ALKBH8: variants seen among roughly 807,000 people sequenced by gnomAD.
ALKBH8 encodes tRNA (carboxymethyluridine(34)-5-O)-methyltransferase ALKBH8.
In ALKBH8, 36 loss-of-function variants were observed where a neutral mutation model predicts 59.8. The ratio of observed to expected loss-of-function variants is 0.60; its 90% CI spans 0.46 to 0.79. The LOEUF is 0.79. Ranked by LOEUF, ALKBH8 falls within the 30% of genes least tolerant of loss-of-function variation. The pLI is 0.00. For synonymous variants in ALKBH8, 276 were observed against 273.6 expected, an observed-to-expected ratio of 1.01 and a Z score of -0.09; for missense variants, 768 against 801.0, an observed-to-expected ratio of 0.96 and a Z score of 0.50.
intron 2 of ALKBH8, among the ~76,000 whole-genome samples, chr11:107,557,484 G>A (rs73555515): frequency 6.6e-6 from 1 of 152,218 alleles, no homozygotes; most frequent in East Asian, 1.9e-4. Flanking sequence ...GACAAATTAG[G>A]TTAAGGTGGT....
Position 107,532,366 on chromosome 11 carries a change from G to C in ALKBH8, c.812C>G (p.Pro271Arg), listed in dbSNP as rs1863631344. 2.5e-6 allele frequency: 4 copies of C among 1,613,596 alleles called. No homozygotes were observed. In the East Asian group the frequency reaches 6.7e-5, roughly 27 times the overall value. ...CAAACTCCGACGAGGCAACATAACT[G>C]GCACTGCAATGCCATCTGGGTGCTT... ...DFKHPDGIAV[P>R]VMLPRRSLLV... The change falls in exon 8 of 12, where the codon CCA becomes CGA. Residue 271 changes from proline to arginine, a missense_variant. Pro to Arg is a moderately radical substitution (Grantham distance 103, BLOSUM62 -2). Transcript: ENST00000428149.
chr11:107,557,937 G>A (rs1233604714), intron 2 of ALKBH8, among the ~76,000 whole-genome samples: 1 of 152,118 alleles, frequency 6.6e-6, no homozygotes, highest in Non-Finnish European at 1.5e-5. Context: ...AGCCATGGAT[G>A]GCCTACTCTC....
In ALKBH8 at chr11:107,505,318, T is replaced by A. The variant is rs73551686; in HGVS notation, c.1438-103A>T. On this transcript the variant is annotated intron_variant, in intron 11 of 11. Coordinates refer to ENST00000428149, the MANE Select transcript of ALKBH8 (RefSeq NM_138775.3). ...TTTCAATTAGGATGAACAATAAGAATATCTAACAAAATATCTTATGTAAAA... is the reference window on the plus strand; with the variant it reads ...TTTCAATTAGGATGAACAATAAGAAAATCTAACAAAATATCTTATGTAAAA... 13,303 of 803,998 alleles carry A rather than the reference T, an allele frequency of 0.017. 1,054 individuals carry two copies. In the African/African-American group the frequency reaches 0.19, roughly 11 times the overall value. The allele number at this position is 803,998 out of a possible 1,614,324, so 49.8% of individuals were successfully genotyped here.
chr11:107,526,935 T>TA (rs554006064), intron 8 of ALKBH8, among the ~76,000 whole-genome samples: 63 of 152,138 alleles, frequency 4.1e-4, no homozygotes, highest in African/African-American at 1.5e-3. Flanking sequence ...TCTATCTGTC[T>TA]ATCTGTACAA....
chr11:107,547,112 C>T (rs1197247438), intron 7 of ALKBH8, among the ~76,000 whole-genome samples: 1 of 152,090 alleles, frequency 6.6e-6, no homozygotes, highest in Non-Finnish European at 1.5e-5. Context: ...TTACAAAAAA[C>T]CAAAACAATA....
At chr11:107,523,750 G>C (rs894389832) in intron 9 of ALKBH8, among the ~76,000 whole-genome samples, 4 of 151,612 alleles carry the variant, frequency 2.6e-5, no homozygotes, top group African/African-American at 9.7e-5. Flanking sequence ...TTACAGGCGT[G>C]TGCCACCATG....
At chr11:107,564,814 G>C (rs1194718349) in intron 1 of ALKBH8, among the ~76,000 whole-genome samples, 2 of 152,128 alleles carry the variant, frequency 1.3e-5, no homozygotes, top group African/African-American at 4.8e-5. Flanking sequence ...ATGAAGTAGA[G>C]ATTTTGTCTC....
Position 107,559,107 on chromosome 11 carries a change from C to T in ALKBH8, c.129+1658G>A, listed in dbSNP as rs907846838. 5.9e-5 allele frequency among the ~76,000 whole-genome samples: 9 copies of T among 152,162 alleles called. No individual in the cohort carries two copies. The East Asian group carries it at 7.7e-4, about 13-fold the overall frequency. On this transcript the variant is annotated intron_variant, in intron 2 of 11. Transcript: ENST00000428149. ...TGGTTTTATAAGGGGTTTCCCCTTT[C>T]GCTTGGCTCTCATTCTTTCTTGCCT... is the stretch of plus-strand genomic sequence containing the variant.
chr11:107,557,971 G>C (rs893152587), intron 2 of ALKBH8, among the ~76,000 whole-genome samples: 1 of 152,224 alleles, frequency 6.6e-6, no homozygotes, highest in East Asian at 1.9e-4. Flanking sequence ...TTTATACCAG[G>C]TGTTGATGAC....
At chr11:107,506,469 G>A (rs1448246959) in intron 11 of ALKBH8, among the ~76,000 whole-genome samples, 6 of 151,716 alleles carry the variant, frequency 4.0e-5, no homozygotes, top group African/African-American at 1.5e-4. Flanking sequence ...ACTATGGTTA[G>A]TATGCTCAAA....
chr11:107,561,720 G>A (rs1168563701), intron 1 of ALKBH8, among the ~76,000 whole-genome samples: 5 of 152,082 alleles, frequency 3.3e-5, no homozygotes, highest in Non-Finnish European at 5.9e-5. Context: ...TCATCTGTTA[G>A]CTTAACTCCT....
chr11:107,519,141 T>C (rs1862999014), intron 10 of ALKBH8, among the ~76,000 whole-genome samples: 1 of 152,088 alleles, frequency 6.6e-6, no homozygotes. Context: ...GTCTCACTCT[T>C]ATTGCCCAGG....
intron 5 of ALKBH8, among the ~76,000 whole-genome samples, chr11:107,552,632 A>G (rs941889347): frequency 1.3e-4 from 20 of 152,302 alleles, no homozygotes; most frequent in African/African-American, 4.6e-4. Context: ...TTTGGTGAGA[A>G]TATGCTGGTA....
intron 1 of ALKBH8, chr11:107,565,256 T>A: frequency 2.5e-6 from 1 of 401,978 alleles, no homozygotes; most frequent in Admixed American, 4.1e-5. Context: ...TTTGCATCGA[T>A]GCAATCAGAC....
rs73553623 is a variant in ALKBH8, at chr11:107,528,857, A to G, written c.879-3265T>C. 5.2e-3 allele frequency among the ~76,000 whole-genome samples: 785 copies of G among 152,362 alleles called. 4 individuals carry two copies. Among genetic ancestry groups the G allele is most frequent in the African/African-American group, 0.018 (743 of 41,588 alleles). ...TTATAGATTTAAATAATAGTTCAATATAATAGAAGAGACATCTCAAGGTAG... is the reference window on the plus strand; with the variant it reads ...TTATAGATTTAAATAATAGTTCAATGTAATAGAAGAGACATCTCAAGGTAG... On this transcript the variant is annotated intron_variant, in intron 8 of 11. Coordinates refer to ENST00000428149, the MANE Select transcript of ALKBH8 (RefSeq NM_138775.3).
chr11:107,525,508 A>G lies in ALKBH8; in HGVS notation c.963T>C (p.Thr321=). The G allele has an allele frequency of 1.3e-6, 2 of 1,542,594 alleles. No homozygotes were observed. Among genetic ancestry groups the G allele is most frequent in the Non-Finnish European group, 1.7e-6 (2 of 1,143,172 alleles). Reference sequence around the variant, plus strand: ...ATGTTCGTAGTCCCCTCTTGCTTAAAGTTAAGTCTCCAACATCACTGGTGA... The same window carrying G: ...ATGTTCGTAGTCCCCTCTTGCTTAAGGTTAAGTCTCCAACATCACTGGTGA... ...GIITSDVGDL[T]LSKRGLRTSF... The change falls in exon 9 of 12, where the codon ACT becomes ACC. Residue 321 remains threonine, a synonymous_variant. Coordinates refer to ENST00000428149, the MANE Select transcript of ALKBH8 (RefSeq NM_138775.3).
At chr11:107,505,375 G>A (rs970208973) in intron 11 of ALKBH8, among the ~76,000 whole-genome samples, 160 bp from the exon 12 acceptor site, 1 of 152,258 alleles carries the variant, frequency 6.6e-6, no homozygotes, top group Non-Finnish European at 1.5e-5. Flanking sequence ...AGAGCATTCT[G>A]TTCTGTGATT....
intron 8 of ALKBH8, among the ~76,000 whole-genome samples, chr11:107,531,627 T>TA (rs1863598044): frequency 6.6e-6 from 1 of 152,206 alleles, no homozygotes; most frequent in Non-Finnish European, 1.5e-5. Context: ...ATGGATTGTA[T>TA]AAGAGTATAA....
At chr11:107,530,529 C>CTT (rs1266873238) in intron 8 of ALKBH8, among the ~76,000 whole-genome samples, 1 of 151,630 alleles carries the variant, frequency 6.6e-6, no homozygotes, top group Admixed American at 6.6e-5. Context: ...CTCTCTCTCT[C>CTT]TTTCTTGCCT....
Sources: allele counts gnomAD v4.1 joint callset (sites outside exome capture counted in the v4.1 genomes callset), GRCh38; gene constraint gnomAD v4.1.1; transcripts MANE v1.5; gene names NCBI Gene and HGNC (gene_info 2026-07-23, HGNC 2026-07-21).